Variants in DPP6 observed in about 807,000 individuals in gnomAD.
The protein encoded by DPP6 is A-type potassium channel modulatory protein DPP6.
Under a neutral mutation model 122.6 loss-of-function variants are expected in DPP6, and 69 were observed. The ratio of observed to expected loss-of-function variants is 0.56; its 90% CI spans 0.46 to 0.69. The LOEUF (loss-of-function observed/expected upper bound fraction) is 0.69. Among genes scored for constraint, DPP6 ranks in the 30% least tolerant of loss-of-function variants. The probability of loss-of-function intolerance (pLI) is 0.00; values close to 1 mark genes in which losing one functional copy is unlikely to be tolerated. For synonymous variants in DPP6, 418 were observed against 433.1 expected (o/e 0.97, Z 0.43); for missense variants, 928 against 1,116.9 (o/e 0.83, Z 2.41).
the DPP6 span, among the ~76,000 whole-genome samples, chr7:153,812,216 A>G: frequency 3.9e-5 from 6 of 152,202 alleles, no homozygotes; most frequent in South Asian, 1.2e-3. Context: ...TCTCTCGTGC[A>G]TTTCCAGCCA....
chr7:153,988,179 G>A (rs1301630044), intron 1 of DPP6, among the ~76,000 whole-genome samples: 1 of 152,178 alleles, frequency 6.6e-6, no homozygotes, highest in East Asian at 1.9e-4. Flanking sequence ...GAGGGAGGGA[G>A]GGCGTCGAGG....
intron 5 of DPP6, among the ~76,000 whole-genome samples, 187 bp downstream of exon 5, chr7:154,567,103 G>C (rs1037909767): frequency 6.6e-5 from 10 of 152,086 alleles, no homozygotes; most frequent in Admixed American, 4.6e-4. Context: ...TATCTGCTTG[G>C]CAGGGGAAAA....
At chr7:154,280,090 C>T (rs1326812180) in intron 1 of DPP6, among the ~76,000 whole-genome samples, 1 of 152,114 alleles carries the variant, frequency 6.6e-6, no homozygotes, top group Non-Finnish European at 1.5e-5. Flanking sequence ...CCGATAACTG[C>T]ATTCAGATGG....
chr7:154,520,260 A>AT (rs1826863552), intron 3 of DPP6, among the ~76,000 whole-genome samples: 1 of 152,204 alleles, frequency 6.6e-6, no homozygotes, highest in Admixed American at 6.5e-5. Flanking sequence ...TCTACACTGT[A>AT]TTTTGCTTTT....
chr7:153,772,599 G>T, the DPP6 span, among the ~76,000 whole-genome samples: 1 of 151,962 alleles, frequency 6.6e-6, no homozygotes, highest in Non-Finnish European at 1.5e-5. Context: ...TAGGACGATG[G>T]TAGATTTTAA....
intron 1 of DPP6, among the ~76,000 whole-genome samples, chr7:153,982,915 G>A (rs1452716104): frequency 2.0e-5 from 3 of 152,206 alleles, no homozygotes; most frequent in African/African-American, 7.2e-5. Context: ...TCTTCTTCTG[G>A]AAGCTTGGTC....
At chr7:154,307,430 C>T (rs1035411641) in intron 1 of DPP6, among the ~76,000 whole-genome samples, 1 of 152,138 alleles carries the variant, frequency 6.6e-6, no homozygotes, top group South Asian at 2.1e-4. Flanking sequence ...GTTGTGAAGC[C>T]GCTTTTTCTC....
intron 1 of DPP6, among the ~76,000 whole-genome samples, chr7:154,264,034 G>A (rs565132492): frequency 6.6e-6 from 1 of 152,196 alleles, no homozygotes; most frequent in South Asian, 2.1e-4. Flanking sequence ...CTGGTATGAA[G>A]GTGGTACACT....
At chr7:154,786,433 T>C (rs1366976094) in intron 10 of DPP6, among the ~76,000 whole-genome samples, 2 of 152,166 alleles carry the variant, frequency 1.3e-5, no homozygotes, top group African/African-American at 4.8e-5. Flanking sequence ...AGGGACTTTG[T>C]GGGAGGTAAT....
chr7:153,772,814 T>C, the DPP6 span, among the ~76,000 whole-genome samples: 3 of 148,672 alleles, frequency 2.0e-5, no homozygotes, highest in Non-Finnish European at 4.5e-5. Flanking sequence ...TAATATCATA[T>C]ACAAGACTTT....
chr7:154,375,231 A>G (rs1813027594), intron 1 of DPP6, among the ~76,000 whole-genome samples: 2 of 151,942 alleles, frequency 1.3e-5, no homozygotes, highest in African/African-American at 2.4e-5. Flanking sequence ...GCCAGGGGAA[A>G]TATTCCAAGC....
chr7:154,175,163 C>T (rs540692116), intron 1 of DPP6, among the ~76,000 whole-genome samples: 25 of 152,162 alleles, frequency 1.6e-4, no homozygotes, highest in South Asian at 1.2e-3. Context: ...ACATAAAAGA[C>T]GTTGTCACGA....
chr7:153,874,316 A>G, the DPP6 span, among the ~76,000 whole-genome samples: 1 of 152,086 alleles, frequency 6.6e-6, no homozygotes, highest in Non-Finnish European at 1.5e-5. Flanking sequence ...AACCAGAAAG[A>G]ACTTATTAGA....
intron 1 of DPP6, among the ~76,000 whole-genome samples, chr7:154,139,601 C>T (rs1795744327): frequency 6.6e-6 from 1 of 151,806 alleles, no homozygotes; most frequent in Admixed American, 6.6e-5. Context: ...CGCAGTGGGT[C>T]AGGGAGAAGG....
chr7:154,815,889 T>C (rs1294792688), intron 16 of DPP6, among the ~76,000 whole-genome samples: 3 of 152,206 alleles, frequency 2.0e-5, no homozygotes, highest in Non-Finnish European at 4.4e-5. Flanking sequence ...CTTCTCCAAG[T>C]TGAGTGGAAC....
chr7:154,216,696 G>C (rs1041649704), intron 1 of DPP6, among the ~76,000 whole-genome samples: 2 of 152,114 alleles, frequency 1.3e-5, no homozygotes, highest in African/African-American at 4.8e-5. Flanking sequence ...CCCAGGCACT[G>C]AGTCCCAGGA....
chr7:154,324,223 C>T (rs570685652), intron 1 of DPP6, among the ~76,000 whole-genome samples: 204 of 152,330 alleles, frequency 1.3e-3, no homozygotes, highest in African/African-American at 4.8e-3. Flanking sequence ...CTTTTACATG[C>T]ACAGCAGGTT....
At chr7:154,330,765 C>T (rs182632519) in intron 1 of DPP6, among the ~76,000 whole-genome samples, 8 of 152,308 alleles carry the variant, frequency 5.3e-5, no homozygotes, top group Admixed American at 2.6e-4. Flanking sequence ...AAGTCGCCTG[C>T]GGTGTTCTGC....
chr7:154,215,737 TGAG>T (rs1799961568), intron 1 of DPP6, among the ~76,000 whole-genome samples: 2 of 152,016 alleles, frequency 1.3e-5, no homozygotes, highest in Admixed American at 1.3e-4. Flanking sequence ...ATCAACATGA[TGAG>T]GAGATCCCCA....
Sources: gnomAD v4.1 joint callset for allele counts (sites outside exome capture counted in the v4.1 genomes callset) on GRCh38, gnomAD v4.1.1 for gene constraint, MANE v1.5 for transcripts, NCBI Gene and HGNC (gene_info 2026-07-23, HGNC 2026-07-21) for gene names.